TIMP3: variants seen among roughly 807,000 people sequenced by gnomAD.
TIMP3 encodes the protein metalloproteinase inhibitor 3.
TIMP3 carries 11 observed loss-of-function variants against 30.0 expected under a neutral mutation model. The observed-to-expected ratio is 0.37, with a 90% CI of 0.23 to 0.61. The LOEUF (loss-of-function observed/expected upper bound fraction) is 0.61. Ranked by LOEUF, TIMP3 falls within the 20% of genes least tolerant of loss-of-function variation. The pLI is 0.70. For synonymous variants in TIMP3, 112 were observed against 111.3 expected (o/e 1.01, Z -0.04); for missense variants, 181 against 276.8 (o/e 0.65, Z 2.45).
intron 1 of TIMP3, among the ~76,000 whole-genome samples, chr22:32,813,536 C>T (rs956868427): frequency 1.4e-5 from 2 of 143,252 alleles, no homozygotes; most frequent in African/African-American, 2.6e-5. Flanking sequence ...CACACACACA[C>T]GTGGACCAAA....
At chr22:32,845,736 C>T (rs1381681273) in intron 1 of TIMP3, among the ~76,000 whole-genome samples, 3 of 152,174 alleles carry the variant, frequency 2.0e-5, no homozygotes, top group Non-Finnish European at 4.4e-5. Context: ...AAGCTGGCTT[C>T]TAGCCACCAC....
At chr22:32,808,007 A>G (rs1480334197) in intron 1 of TIMP3, among the ~76,000 whole-genome samples, 3 of 152,002 alleles carry the variant, frequency 2.0e-5, no homozygotes, top group South Asian at 4.2e-4. Flanking sequence ...TTTGAAAGGG[A>G]GCAAAATTAG....
chr22:32,807,585 G>T (rs2046799629), intron 1 of TIMP3, among the ~76,000 whole-genome samples: 1 of 149,568 alleles, frequency 6.7e-6, no homozygotes, highest in Non-Finnish European at 1.5e-5. Context: ...GTGTGCTATT[G>T]TCATCTCCAT....
At chr22:32,842,096 T>A (rs894916396) in intron 1 of TIMP3, among the ~76,000 whole-genome samples, 5 of 152,140 alleles carry the variant, frequency 3.3e-5, no homozygotes, top group Admixed American at 6.5e-5. Flanking sequence ...GGCTGGTAAT[T>A]ATCACCCACA....
chr22:32,817,299 G>A (rs898944526), intron 1 of TIMP3, among the ~76,000 whole-genome samples: 1 of 152,122 alleles, frequency 6.6e-6, no homozygotes, highest in African/African-American at 2.4e-5. Flanking sequence ...CATAGTAAAA[G>A]CTCTGAGAAG....
At chr22:32,839,213 G>A (rs1037885506) in intron 1 of TIMP3, among the ~76,000 whole-genome samples, 10 of 152,078 alleles carry the variant, frequency 6.6e-5, no homozygotes, top group Non-Finnish European at 1.2e-4. Context: ...ATATGCCACC[G>A]AGCTATGCAG....
intron 1 of TIMP3, among the ~76,000 whole-genome samples, chr22:32,821,210 T>C (rs2047238273): frequency 6.6e-6 from 1 of 152,158 alleles, no homozygotes; most frequent in Admixed American, 6.5e-5. Context: ...TTGACTAAAA[T>C]GTAAACTCTG....
At chr22:32,842,761 G>A (rs114121977) in intron 1 of TIMP3, among the ~76,000 whole-genome samples, 1,986 of 152,246 alleles carry the variant, frequency 0.013, 38 homozygotes, top group African/African-American at 0.045. Context: ...AAGCCTTGCC[G>A]GGGAGCACAA....
intron 1 of TIMP3, among the ~76,000 whole-genome samples, chr22:32,829,846 A>C (rs1022221225): frequency 2.0e-5 from 3 of 152,158 alleles, no homozygotes; most frequent in African/African-American, 7.2e-5. Context: ...GCCCAACCAA[A>C]CTACACCCCA....
At chr22:32,848,627 T>A (rs2048134978) in intron 1 of TIMP3, among the ~76,000 whole-genome samples, 1 of 152,238 alleles carries the variant, frequency 6.6e-6, no homozygotes, top group Non-Finnish European at 1.5e-5. Flanking sequence ...ATTTGTCTAG[T>A]GCAAACTATG....
rs147311800 is a variant in TIMP3 at position 32,822,458 on chromosome 22, T to G, written c.121+20336T>G. ...ACAGGCCACTAAGAGGAAAGGCAACTGGTGTGACGTCTGGGGAGGGAAGTA... is the reference window on the plus strand; with the variant it reads ...ACAGGCCACTAAGAGGAAAGGCAACGGGTGTGACGTCTGGGGAGGGAAGTA... On this transcript the variant is annotated intron_variant, in intron 1 of 4. Coordinates refer to ENST00000266085, the MANE Select transcript of TIMP3 (RefSeq NM_000362.5). Among the ~76,000 whole-genome samples, 5 of 152,280 alleles carry G rather than the reference T, an allele frequency of 3.3e-5. No individual in the cohort carries two copies. In the East Asian group the frequency reaches 9.6e-4, roughly 29 times the overall value.
chr22:32,807,386 T>TTATATATAATATATAG, intron 1 of TIMP3, among the ~76,000 whole-genome samples: 1 of 104,300 alleles, frequency 9.6e-6, no homozygotes, highest in Non-Finnish European at 1.9e-5. Context: ...ATAATATATA[T>TTATATATAATATATAG]TATATATAAT....
intron 2 of TIMP3, 100 bp downstream of exon 2, chr22:32,849,634 T>C (rs1012058631): frequency 2.0e-6 from 2 of 1,023,144 alleles, no homozygotes; most frequent in Non-Finnish European, 3.0e-6. Flanking sequence ...GGGGTGTGTG[T>C]CTAAGCACCA....
chr22:32,810,107 A>T (rs1264587200), intron 1 of TIMP3, among the ~76,000 whole-genome samples: 1 of 152,212 alleles, frequency 6.6e-6, no homozygotes, highest in Non-Finnish European at 1.5e-5. Context: ...GATTCTAGCT[A>T]AAGGGACTTA....
intron 1 of TIMP3, among the ~76,000 whole-genome samples, chr22:32,804,058 A>G (rs2046660193): frequency 6.6e-6 from 1 of 152,218 alleles, no homozygotes; most frequent in African/African-American, 2.4e-5. Context: ...TTGAAACAAG[A>G]AATAGCTCCC....
intron 1 of TIMP3, among the ~76,000 whole-genome samples, chr22:32,843,222 T>C (rs571231645): frequency 1.1e-4 from 17 of 152,334 alleles, no homozygotes; most frequent in African/African-American, 4.1e-4. Context: ...TTAAAGAACA[T>C]GCACACGTTG....
At chr22:32,814,137 T>C (rs57193730) in intron 1 of TIMP3, among the ~76,000 whole-genome samples, 3 of 80,134 alleles carry the variant, frequency 3.7e-5, no homozygotes, top group African/African-American at 9.7e-5. Flanking sequence ...TGTGTGTGTG[T>C]GTGTGAGAGA....
chr22:32,845,251 C>T (rs1055378372), intron 1 of TIMP3, among the ~76,000 whole-genome samples: 6 of 151,928 alleles, frequency 3.9e-5, no homozygotes, highest in East Asian at 1.9e-4. Flanking sequence ...GGCTGGAGTA[C>T]GGTGATGCAA....
intron 1 of TIMP3, among the ~76,000 whole-genome samples, chr22:32,820,198 G>A (rs1240649283): frequency 6.6e-6 from 1 of 152,064 alleles, no homozygotes; most frequent in African/African-American, 2.4e-5. Context: ...CACTCCCTCA[G>A]GGCATGATCA....
Sources: gnomAD v4.1 joint callset for allele counts (sites outside exome capture counted in the v4.1 genomes callset) on GRCh38, gnomAD v4.1.1 for gene constraint, MANE v1.5 for transcripts, NCBI Gene and HGNC (gene_info 2026-07-23, HGNC 2026-07-21) for gene names.